ENOX1: variants seen among roughly 807,000 people sequenced by gnomAD.
ENOX1 encodes the protein candidate growth-related and time keeping constitutive hydroquinone (NADH) oxidase.
ENOX1 carries 42 observed loss-of-function variants against 82.5 expected under a neutral mutation model. That is an observed-to-expected ratio of 0.51 (90% CI 0.40 to 0.66). The LOEUF (loss-of-function observed/expected upper bound fraction) is 0.66, where lower values mean the gene tolerates loss of function less well. ENOX1 is among the 30% of genes least tolerant of loss of function. The pLI is 0.00. For synonymous variants in ENOX1, 271 were observed against 282.2 expected (o/e 0.96, Z 0.40); for missense variants, 608 against 811.6 (o/e 0.75, Z 3.05).
chr13:43,661,985 AAC>A (rs1258572263), intron 2 of ENOX1, among the ~76,000 whole-genome samples: 5 of 92,492 alleles, frequency 5.4e-5, no homozygotes, highest in African/African-American at 2.0e-4. Flanking sequence ...CTGCAAGAAC[AAC>A]AGATTGATTT....
chr13:43,680,950 G>A (rs980036193), intron 1 of ENOX1, among the ~76,000 whole-genome samples: 6 of 152,250 alleles, frequency 3.9e-5, no homozygotes, highest in Non-Finnish European at 7.4e-5. Context: ...GAATGGAGGT[G>A]TGAAGAAAGA....
intron 11 of ENOX1, among the ~76,000 whole-genome samples, chr13:43,301,381 T>C (rs2046565428): frequency 6.6e-6 from 1 of 152,096 alleles, no homozygotes; most frequent in South Asian, 2.1e-4. Flanking sequence ...TGAACATAAA[T>C]ACATATAGGA....
intron 2 of ENOX1, among the ~76,000 whole-genome samples, chr13:43,538,148 C>A (rs76166250): frequency 6.6e-6 from 1 of 152,168 alleles, no homozygotes; most frequent in Non-Finnish European, 1.5e-5. Flanking sequence ...GGTGTGTGCA[C>A]GCTGATATAG....
chr13:43,631,753 GT>G (rs1464845265), intron 2 of ENOX1, among the ~76,000 whole-genome samples: 44 of 152,002 alleles, frequency 2.9e-4, no homozygotes, highest in African/African-American at 1.0e-3. Flanking sequence ...GCACTATATT[GT>G]TTTACCACAT....
intron 5 of ENOX1, among the ~76,000 whole-genome samples, chr13:43,377,651 C>T (rs886403412): frequency 1.3e-5 from 2 of 152,130 alleles, no homozygotes; most frequent in Non-Finnish European, 2.9e-5. Flanking sequence ...GTATTATAGG[C>T]GCCAGGCAAG....
At chr13:43,239,044 T>C (rs2042688958) in intron 14 of ENOX1, among the ~76,000 whole-genome samples, 1 of 152,222 alleles carries the variant, frequency 6.6e-6, no homozygotes, top group Non-Finnish European at 1.5e-5. Flanking sequence ...GAAATACTGC[T>C]GCATCAACAA....
At chr13:43,560,505 T>C (rs2079622491) in intron 2 of ENOX1, among the ~76,000 whole-genome samples, 1 of 152,152 alleles carries the variant, frequency 6.6e-6, no homozygotes, top group Non-Finnish European at 1.5e-5. Flanking sequence ...AATGAGGCCA[T>C]CTTTGCTTGG....
chr13:43,387,779 C>CAT (rs1036800159), intron 5 of ENOX1, among the ~76,000 whole-genome samples: 83 of 151,742 alleles, frequency 5.5e-4, no homozygotes, highest in South Asian at 1.0e-3. Context: ...TATGTAAATA[C>CAT]ATATATATAC....
At chr13:43,397,328 G>T (rs1461953029) in intron 5 of ENOX1, among the ~76,000 whole-genome samples, 1 of 152,196 alleles carries the variant, frequency 6.6e-6, no homozygotes, top group Non-Finnish European at 1.5e-5. Flanking sequence ...AGTATAAAAT[G>T]AACATTTTTG....
intron 5 of ENOX1, among the ~76,000 whole-genome samples, chr13:43,370,725 T>C (rs1479753209): frequency 6.6e-6 from 1 of 152,186 alleles, no homozygotes; most frequent in Non-Finnish European, 1.5e-5. Flanking sequence ...AAAACCTCTA[T>C]AGGTAACCAC....
chr13:43,450,540 G>A (rs751656133), intron 3 of ENOX1, among the ~76,000 whole-genome samples: 8 of 152,244 alleles, frequency 5.3e-5, no homozygotes, highest in Non-Finnish European at 8.8e-5. Context: ...AAAATGTGGG[G>A]AAGGGCCTTT....
chr13:43,573,226 C>T (rs1385803274), intron 2 of ENOX1, among the ~76,000 whole-genome samples: 1 of 152,176 alleles, frequency 6.6e-6, no homozygotes, highest in Non-Finnish European at 1.5e-5. Flanking sequence ...CATCCTCATG[C>T]TATTCATTTT....
In ENOX1 at chr13:43,539,108, C is replaced by CCA. The variant is rs1015116394; in HGVS notation, c.-218-54958_-218-54957dup. On this transcript the variant is annotated intron_variant, in intron 2 of 16. Coordinates refer to ENST00000690772, the MANE Select transcript of ENOX1 (RefSeq NM_001347969.2). ...TAGTCACTGGGATTACAGGCATGAA[C>CCA]CACAACACCTGGCTCTTGGCTTTGA... Among the ~76,000 whole-genome samples the CCA allele has an allele frequency of 7.2e-5, 11 of 152,314 alleles. No individual in the cohort carries two copies. The East Asian group carries it at 1.9e-3, about 27-fold the overall frequency.
chr13:43,248,478 G>A (rs1306531109), intron 14 of ENOX1, among the ~76,000 whole-genome samples: 1 of 151,670 alleles, frequency 6.6e-6, no homozygotes, highest in Non-Finnish European at 1.5e-5. Flanking sequence ...TAATCTCGTA[G>A]GCTGAAGGAG....
chr13:43,761,902 C>T (rs957537990), intron 1 of ENOX1, among the ~76,000 whole-genome samples: 1 of 152,150 alleles, frequency 6.6e-6, no homozygotes, highest in African/African-American at 2.4e-5. Context: ...TGTCTCTGCT[C>T]TTCTCTAGGG....
At chr13:43,418,855 T>C (rs1485131609) in intron 3 of ENOX1, among the ~76,000 whole-genome samples, 1 of 152,248 alleles carries the variant, frequency 6.6e-6, no homozygotes, top group Non-Finnish European at 1.5e-5. Context: ...AGTATTTCAT[T>C]GGGCTAGATA....
chr13:43,686,102 A>T (rs1380375184), intron 1 of ENOX1, among the ~76,000 whole-genome samples: 1 of 152,192 alleles, frequency 6.6e-6, no homozygotes, highest in African/African-American at 2.4e-5. Context: ...CAAATCAGTA[A>T]AGCTTAGATA....
At chr13:43,606,729 T>G (rs1260168084) in intron 2 of ENOX1, among the ~76,000 whole-genome samples, 1 of 152,010 alleles carries the variant, frequency 6.6e-6, no homozygotes, top group Admixed American at 6.6e-5. Context: ...GATCTAGTAT[T>G]TGATGGCAGG....
chr13:43,447,448 G>A (rs1296807998), intron 3 of ENOX1, among the ~76,000 whole-genome samples: 5 of 152,076 alleles, frequency 3.3e-5, no homozygotes, highest in Admixed American at 3.3e-4. Flanking sequence ...ACTAGAGTAT[G>A]GAAGTCTATC....
Sources: gnomAD v4.1 joint callset for allele counts (sites outside exome capture counted in the v4.1 genomes callset) on GRCh38, gnomAD v4.1.1 for gene constraint, MANE v1.5 for transcripts, NCBI Gene and HGNC (gene_info 2026-07-23, HGNC 2026-07-21) for gene names.